The following MCF2L variants were observed in gnomAD, a reference collection of about 807,000 sequenced individuals.
The protein encoded by MCF2L is guanine nucleotide exchange factor DBS.
MCF2L carries 97 observed loss-of-function variants against 153.4 expected under a neutral mutation model. That is an observed-to-expected ratio of 0.63 (90% confidence interval 0.54 to 0.75). The LOEUF is 0.75. Among genes scored for constraint, MCF2L ranks in the 30% least tolerant of loss-of-function variants. The pLI, the probability that MCF2L is intolerant of heterozygous loss-of-function variation, is 0.00. For synonymous variants in MCF2L, 659 were observed against 632.2 expected (o/e 1.04, Z -0.64); for missense variants, 1,347 against 1,495.2 (o/e 0.90, Z 1.64).
chr13:112,900,291 G>A (rs151181582), intron 1 of MCF2L, among the ~76,000 whole-genome samples: 424 of 152,250 alleles, frequency 2.8e-3, no homozygotes, highest in African/African-American at 9.1e-3. Context: ...TGCCCCTCCC[G>A]GACCTTTCTG....
chr13:112,933,216 G>A (rs2140631966), intron 2 of MCF2L, among the ~76,000 whole-genome samples: 1 of 152,334 alleles, frequency 6.6e-6, no homozygotes, highest in South Asian at 2.1e-4. Flanking sequence ...GATCCAATGG[G>A]ACTTTCAGAG....
chr13:113,067,193 TGGA>T, intron 8 of MCF2L, among the ~76,000 whole-genome samples: 1 of 152,144 alleles, frequency 6.6e-6, no homozygotes, highest in Admixed American at 6.5e-5. Context: ...GGTGCACAGC[TGGA>T]GTCCCAGCTA....
In MCF2L at chr13:113,077,147, G is replaced by T. The variant is rs377733844; in HGVS notation, c.1596G>T (p.Thr532=). 6.2e-7 allele frequency: 1 copy of T among 1,611,926 alleles called. No homozygotes were observed. Among genetic ancestry groups the T allele is most frequent in the Non-Finnish European group, 8.5e-7 (1 of 1,179,482 alleles). ...TGAAGAAGCTGGCGGCCAGGCAGAC[G>T]CGGCCCGTGCAGCCGGTGGCCCCCA... is the stretch of plus-strand genomic sequence containing the variant. ...ASLKKLAARQ[T]RPVQPVAPRP... is the part of the protein sequence containing the mutation. The change falls in exon 13 of 30, where the codon ACG becomes ACT. Residue 532 remains threonine (T), a synonymous_variant. Transcript: ENST00000535094.
At chr13:112,898,769 A>C (rs908376960) in intron 1 of MCF2L, among the ~76,000 whole-genome samples, 1 of 152,010 alleles carries the variant, frequency 6.6e-6, no homozygotes, top group Non-Finnish European at 1.5e-5. Context: ...CTCCTTGTCC[A>C]TCACACCTCT....
At chr13:113,034,497 A>G (rs1324442224) in intron 3 of MCF2L, among the ~76,000 whole-genome samples, 12 of 152,118 alleles carry the variant, frequency 7.9e-5, no homozygotes, top group African/African-American at 1.2e-4. Flanking sequence ...CACGATGGTT[A>G]TGCTGGCTCC....
At chr13:112,928,794 C>T (rs988798590) in intron 2 of MCF2L, among the ~76,000 whole-genome samples, 1 of 152,248 alleles carries the variant, frequency 6.6e-6, no homozygotes, top group Non-Finnish European at 1.5e-5. Flanking sequence ...TGACGCTTCC[C>T]TGCAGGGGAG....
At chr13:113,014,487 C>G (rs150331272) in intron 1 of MCF2L, among the ~76,000 whole-genome samples, 27 of 152,342 alleles carry the variant, frequency 1.8e-4, no homozygotes, top group Middle Eastern at 6.8e-3. Flanking sequence ...CCAGGTCTCT[C>G]TCTTTGTCCC....
rs777037470 is a variant in MCF2L at position 113,086,179 on chromosome 13, T to G, written c.2303T>G (p.Leu768Arg). 6.2e-7 allele frequency: 1 copy of G among 1,611,044 alleles called. No homozygotes were observed. Residue 768 changes from leucine to arginine, a missense_variant, in exon 21 of 30, where the codon CTG becomes CGG. Physicochemically the swap from Leu to Arg is moderately radical, Grantham distance 102. Around this residue, in one of 3 missense-constraint regions of MCF2L, gnomAD observed 144 missense variants for 238.7 expected, o/e 0.60. Transcript: ENST00000535094. ...GGGGCTGAGGACCTGCAGGAGGCGC[T>G]GAGCTCCATCCTGGGCATCCTGAAG... is the stretch of plus-strand genomic sequence containing the variant. ...CEGAEDLQEA[L>R]SSILGILKAV...
rs1473361357 is a variant in MCF2L, at chr13:113,001,888, G to T, written c.80-12875G>T. On this transcript the variant is annotated intron_variant, in intron 1 of 29. Coordinates refer to ENST00000535094, the MANE Select transcript of MCF2L (RefSeq NM_001112732.3). ...GGGCGTTCCGGGAGCCGGGTCGGGG[G>T]CTCCTGACTCGCACTGGGCAGCATG... The T allele has an allele frequency of 3.2e-6, 5 of 1,580,570 alleles. No homozygotes were observed. In the African/African-American group the frequency reaches 4.1e-5, roughly 13 times the overall value.
intron 1 of MCF2L, among the ~76,000 whole-genome samples, chr13:112,984,596 A>G (rs1414185960): frequency 1.3e-5 from 2 of 152,244 alleles, no homozygotes; most frequent in African/African-American, 4.8e-5. Context: ...AAACAGAATC[A>G]GGATTCACCA....
chr13:113,087,349 C>A lies in MCF2L; in HGVS notation c.2488C>A (p.Arg830=), dbSNP rs749679798. ...KELARFKPMQ[R]HLFLHEKAVL... is the part of the protein sequence containing the mutation. Reference sequence around the variant, plus strand: ...GCTGGCCAGGTTCAAGCCCATGCAGCGGCACCTGTTCCTGCACGAGAAGGC... The same window carrying A: ...GCTGGCCAGGTTCAAGCCCATGCAGAGGCACCTGTTCCTGCACGAGAAGGC... The change falls in exon 22 of 30, where the codon CGG becomes AGG. Residue 830 remains arginine, a synonymous_variant. Coordinates refer to ENST00000535094, the MANE Select transcript of MCF2L (RefSeq NM_001112732.3). The A allele has an allele frequency of 6.2e-7, 1 of 1,613,368 alleles. No individual in the cohort carries two copies. Among genetic ancestry groups the A allele is most frequent in the South Asian group, 1.1e-5 (1 of 91,076 alleles).
At chr13:113,032,179 C>A (rs939375844) in intron 3 of MCF2L, among the ~76,000 whole-genome samples, 1 of 152,196 alleles carries the variant, frequency 6.6e-6, no homozygotes, top group African/African-American at 2.4e-5. Flanking sequence ...CGTCCCCCTG[C>A]GGTGACCTGA....
Position 113,064,441 on chromosome 13 carries a change from C to G in MCF2L, c.606+21C>G, listed in dbSNP as rs367784581. ...GCACGGTGAGCCGCGTCGGGGCCAG[C>G]GGGGCTGGCTGATACCAGCTCGAGT... is the stretch of plus-strand genomic sequence containing the variant. On this transcript the variant is annotated intron_variant, in intron 6 of 29. Transcript: ENST00000535094. This position sits in a 1 kb window ranked among gnomAD's most constrained non-coding sequence, Gnocchi z 6.0. 1.3e-6 allele frequency: 2 copies of G among 1,529,276 alleles called. No individual in the cohort carries two copies. Among genetic ancestry groups the G allele is most frequent in the Non-Finnish European group, 1.8e-6 (2 of 1,106,760 alleles). The allele number at this position is 1,529,276 out of a possible 1,614,324, so 94.7% of individuals were successfully genotyped here.
intron 2 of MCF2L, among the ~76,000 whole-genome samples, chr13:112,931,997 T>G (rs1255563889): frequency 6.6e-6 from 1 of 152,078 alleles, no homozygotes; most frequent in Non-Finnish European, 1.5e-5. Context: ...AAGAGATAAG[T>G]CTCCCTTGCA....
At chr13:112,902,046 A>C in intron 1 of MCF2L, 1 of 630,254 alleles carries the variant, frequency 1.6e-6, no homozygotes, top group Non-Finnish European at 2.8e-6. Flanking sequence ...AATTGACCGG[A>C]GAAGAATGAA....
chr13:113,026,823 C>G (rs760144231), intron 3 of MCF2L: 7 of 652,228 alleles, frequency 1.1e-5, no homozygotes, highest in African/African-American at 3.6e-5. Context: ...AGAGCTGGGT[C>G]CCTGTCCTCT....
At chr13:113,033,630 AT>A (rs138529385) in intron 3 of MCF2L, among the ~76,000 whole-genome samples, 2,459 of 151,942 alleles carry the variant, frequency 0.016, 59 homozygotes, top group African/African-American at 0.056. Flanking sequence ...CAGCTGGGTG[AT>A]TTCCCCCCCC....
intron 1 of MCF2L, among the ~76,000 whole-genome samples, chr13:112,971,442 G>A (rs1011997596): frequency 1.1e-4 from 16 of 152,032 alleles, no homozygotes; most frequent in African/African-American, 1.7e-4. Flanking sequence ...GGGCAGTGGC[G>A]GGGCTAGGTC....
In MCF2L at chr13:113,064,158, TC is replaced by T. The variant is rs2031997998; in HGVS notation, c.490-144del. On this transcript the variant is annotated intron_variant, in intron 5 of 29. Coordinates refer to ENST00000535094, the MANE Select transcript of MCF2L (RefSeq NM_001112732.3). This position sits in a 1 kb window ranked among gnomAD's most constrained non-coding sequence, Gnocchi z 6.0. Reference sequence around the variant, plus strand: ...CCCATCCGCACATCCATCCGCAGTGTCCAGGTGCCCCCACCCACACAGCCGC... The same window carrying T: ...CCCATCCGCACATCCATCCGCAGTGTCAGGTGCCCCCACCCACACAGCCGC... 1.4e-5 allele frequency: 10 copies of T among 709,062 alleles called. No individual in the cohort carries two copies. The allele number at this position is 709,062 out of a possible 1,614,324, so 43.9% of individuals were successfully genotyped here.
Sources: allele counts gnomAD v4.1 joint callset (sites outside exome capture counted in the v4.1 genomes callset), GRCh38; gene constraint gnomAD v4.1.1; regional missense constraint gnomAD v4.1.1; non-coding constraint Gnocchi (gnomAD v3.1); transcripts MANE v1.5; gene names NCBI Gene and HGNC (gene_info 2026-07-23, HGNC 2026-07-21).